ASCC3: variants seen among roughly 807,000 people sequenced by gnomAD.
The protein encoded by ASCC3 is activating signal cointegrator 1 complex subunit 3.
In ASCC3, 158 loss-of-function variants were observed where a neutral mutation model predicts 256.3. The ratio of observed to expected loss-of-function variants is 0.62; its 90% CI spans 0.54 to 0.70. The LOEUF is 0.70. ASCC3 is among the 30% of genes least tolerant of loss of function. The pLI is 0.00. For missense variants in ASCC3, 2,259 were observed against 2,626.0 expected, an observed-to-expected ratio of 0.86 and a Z score of 3.05; for synonymous variants, 948 against 883.4, an observed-to-expected ratio of 1.07 and a Z score of -1.30.
intron 20 of ASCC3, among the ~76,000 whole-genome samples, chr6:100,648,313 TAAAG>T (rs1775492153): frequency 6.6e-6 from 1 of 152,116 alleles, no homozygotes; most frequent in Non-Finnish European, 1.5e-5. Context: ...ATTGTTTTAT[TAAAG>T]ATTGTTTTTT....
intron 4 of ASCC3, among the ~76,000 whole-genome samples, chr6:100,823,584 T>G (rs1396512016): frequency 6.6e-6 from 1 of 152,178 alleles, no homozygotes; most frequent in Non-Finnish European, 1.5e-5. Flanking sequence ...TAAGGTCTTA[T>G]CCAATAGACA....
intron 4 of ASCC3, among the ~76,000 whole-genome samples, chr6:100,832,358 A>T (rs1244757335): frequency 1.3e-5 from 2 of 152,154 alleles, no homozygotes; most frequent in Admixed American, 6.5e-5. Context: ...TATTATTCTT[A>T]TTATTCAAGA....
chr6:100,664,239 A>T (rs529563672), intron 14 of ASCC3, among the ~76,000 whole-genome samples: 2 of 152,150 alleles, frequency 1.3e-5, no homozygotes, highest in South Asian at 4.1e-4. Flanking sequence ...TTTTTTCCCT[A>T]CACTTTTTAC....
intron 33 of ASCC3, 103 bp downstream of exon 33, chr6:100,605,465 C>T (rs77246532): frequency 0.023 from 18,555 of 819,622 alleles, 274 homozygotes; most frequent in African/African-American, 0.055. Context: ...TTAAATTCTT[C>T]TAAGCTACCT....
chr6:100,580,555 A>G (rs911677262), intron 36 of ASCC3, among the ~76,000 whole-genome samples: 2 of 151,776 alleles, frequency 1.3e-5, no homozygotes, highest in Non-Finnish European at 2.9e-5. Context: ...CAACATATTC[A>G]GAAGACCCAA....
intron 39 of ASCC3, among the ~76,000 whole-genome samples, chr6:100,514,325 T>C (rs1162469639): frequency 6.6e-6 from 1 of 152,040 alleles, no homozygotes; most frequent in Non-Finnish European, 1.5e-5. Context: ...GACTGGCCAG[T>C]CTGGAAAAGG....
chr6:100,781,110 T>C (rs1392514364), intron 8 of ASCC3, among the ~76,000 whole-genome samples: 1 of 152,178 alleles, frequency 6.6e-6, no homozygotes, highest in Non-Finnish European at 1.5e-5. Context: ...CCTCTGTGCT[T>C]GCTTCAGCTG....
intron 8 of ASCC3, among the ~76,000 whole-genome samples, chr6:100,784,500 T>C (rs1009793034): frequency 2.0e-5 from 3 of 152,062 alleles, no homozygotes; most frequent in African/African-American, 7.2e-5. Flanking sequence ...GCTGAATATC[T>C]ACAAATAGGG....
At chr6:100,557,924 A>T (rs1303134202) in intron 36 of ASCC3, among the ~76,000 whole-genome samples, 1 of 152,094 alleles carries the variant, frequency 6.6e-6, no homozygotes, top group Admixed American at 6.6e-5. Context: ...TCTCTTGCTG[A>T]TAGTGTATAG....
intron 37 of ASCC3, chr6:100,530,998 CT>C: frequency 6.3e-7 from 1 of 1,594,488 alleles, no homozygotes. Flanking sequence ...TTATTGATGA[CT>C]TTGTGGAATT....
intron 36 of ASCC3, among the ~76,000 whole-genome samples, chr6:100,546,763 C>T (rs1244770317): frequency 6.6e-6 from 1 of 152,044 alleles, no homozygotes; most frequent in Non-Finnish European, 1.5e-5. Flanking sequence ...TGCATTAATG[C>T]TTTATGTCTC....
At chr6:100,638,522 A>G in intron 25 of ASCC3, 79 bp downstream of exon 25, 1 of 1,218,398 alleles carries the variant, frequency 8.2e-7, no homozygotes, top group Non-Finnish European at 1.2e-6. Context: ...AGACCCTGCC[A>G]ATATATTTAG....
chr6:100,860,053 C>T (rs1773146858), intron 3 of ASCC3, among the ~76,000 whole-genome samples: 1 of 152,010 alleles, frequency 6.6e-6, no homozygotes, highest in Admixed American at 6.6e-5. Context: ...TCTGTCTGCA[C>T]TGTGCAAATC....
chr6:100,797,808 G>C (rs1210377048), intron 8 of ASCC3, among the ~76,000 whole-genome samples: 28 of 151,998 alleles, frequency 1.8e-4, no homozygotes, highest in Admixed American at 1.8e-3. Context: ...TATTGTAAAA[G>C]ACAACTTAAA....
chr6:100,805,488 G>A (rs1330115950), intron 5 of ASCC3, among the ~76,000 whole-genome samples: 2 of 152,042 alleles, frequency 1.3e-5, no homozygotes, highest in South Asian at 2.1e-4. Flanking sequence ...AAACCTGCAC[G>A]TGTACCTCCT....
chr6:100,839,650 A>G (rs553421896), intron 4 of ASCC3, among the ~76,000 whole-genome samples: 1 of 152,320 alleles, frequency 6.6e-6, no homozygotes, highest in African/African-American at 2.4e-5. Flanking sequence ...AACAAGTCTC[A>G]CTACTTGCCA....
At chr6:100,819,498 C>T (rs554033569) in intron 4 of ASCC3, among the ~76,000 whole-genome samples, 2 of 152,194 alleles carry the variant, frequency 1.3e-5, no homozygotes, top group South Asian at 2.1e-4. Context: ...GAAGCCAGTC[C>T]GAGTCCCAAA....
intron 10 of ASCC3, among the ~76,000 whole-genome samples, chr6:100,731,135 A>C (rs1779885077): frequency 6.6e-6 from 1 of 152,214 alleles, no homozygotes; most frequent in Non-Finnish European, 1.5e-5. Context: ...AGGATAATTC[A>C]AGAAGAAATT....
chr6:100,588,669 A>C (rs1771830730), intron 36 of ASCC3, among the ~76,000 whole-genome samples: 2 of 152,182 alleles, frequency 1.3e-5, no homozygotes, highest in South Asian at 4.1e-4. Flanking sequence ...AAAAATTTTC[A>C]AACTCACTAA....
Sources: allele counts gnomAD v4.1 joint callset (sites outside exome capture counted in the v4.1 genomes callset), GRCh38; gene constraint gnomAD v4.1.1; transcripts MANE v1.5; gene names NCBI Gene and HGNC (gene_info 2026-07-23, HGNC 2026-07-21).